RPTOR: variants seen among roughly 807,000 people sequenced by gnomAD.
RPTOR encodes regulatory-associated protein of mTOR.
Under a neutral mutation model 169.9 loss-of-function variants are expected in RPTOR, and 21 were observed. The observed-to-expected ratio is 0.12, with a 90% CI of 0.09 to 0.18. The LOEUF is 0.18. Among genes scored for constraint, RPTOR ranks in the 10% least tolerant of loss-of-function variants. RPTOR has a pLI of 1.00. For synonymous variants in RPTOR, 732 were observed against 753.2 expected, an observed-to-expected ratio of 0.97 and a Z score of 0.46; for missense variants, 1,133 against 1,855.9, an observed-to-expected ratio of 0.61 and a Z score of 7.16.
intron 3 of RPTOR, among the ~76,000 whole-genome samples, chr17:80,679,241 C>T (rs1440162622): frequency 6.6e-6 from 1 of 152,182 alleles, no homozygotes; most frequent in Non-Finnish European, 1.5e-5. Context: ...TGTGCCACTG[C>T]ACTCCAGCCT....
At chr17:80,603,177 A>G (rs926010305) in intron 1 of RPTOR, among the ~76,000 whole-genome samples, 2 of 152,216 alleles carry the variant, frequency 1.3e-5, no homozygotes, top group East Asian at 1.9e-4. Flanking sequence ...TACCCAGACA[A>G]TGTAACCTGT....
At chr17:80,892,922 T>C in intron 19 of RPTOR, 53 bp downstream of exon 19, 1 of 1,587,118 alleles carries the variant, frequency 6.3e-7, no homozygotes, top group African/African-American at 1.3e-5. Flanking sequence ...GGTTGTTTTT[T>C]CTGAAACACT....
chr17:80,962,618 C>T (rs2069359073), intron 32 of RPTOR, 41 bp downstream of exon 32: 1 of 1,544,150 alleles, frequency 6.5e-7, no homozygotes, highest in East Asian at 2.3e-5. Context: ...CGCTCACCCG[C>T]CTCGGGCCTC....
intron 25 of RPTOR, among the ~76,000 whole-genome samples, chr17:80,943,515 C>T (rs1598415176): frequency 6.6e-6 from 1 of 152,202 alleles, no homozygotes; most frequent in Non-Finnish European, 1.5e-5. Flanking sequence ...AGGTTCTACC[C>T]CAGATCGGGA....
intron 4 of RPTOR, among the ~76,000 whole-genome samples, chr17:80,712,463 C>A (rs117902671): frequency 2.0e-5 from 3 of 152,138 alleles, no homozygotes; most frequent in Admixed American, 6.5e-5. Flanking sequence ...CAGTAATATA[C>A]GCTTAAGACT....
chr17:80,730,832 GGGCA>G lies in RPTOR; in HGVS notation c.654+129_654+132del. On this transcript the variant is annotated intron_variant, in intron 5 of 33. Transcript: ENST00000306801. This position sits in a 1 kb window ranked among gnomAD's most constrained non-coding sequence, Gnocchi z 4.2. ...AATGGAGCAGGGCTCAGAATGCCAA[GGGCA>G]GGATGGCATATTCAATGCTGTTGAG... 1 of 951,776 alleles carries G rather than the reference GGGCA, an allele frequency of 1.1e-6. No individual in the cohort carries two copies. The highest frequency in any genetic ancestry group is 1.6e-6 in the Non-Finnish European group (1 of 625,026). The allele number at this position is 951,776 out of a possible 1,614,324, so 59.0% of individuals were successfully genotyped here.
intron 9 of RPTOR, among the ~76,000 whole-genome samples, chr17:80,833,162 T>C (rs2067525795): frequency 6.6e-6 from 1 of 152,242 alleles, no homozygotes; most frequent in Non-Finnish European, 1.5e-5. Flanking sequence ...GACTTGGACT[T>C]GGACGGTTTT....
At chr17:80,956,745 C>A (rs1171316663) in intron 28 of RPTOR, among the ~76,000 whole-genome samples, 1 of 152,168 alleles carries the variant, frequency 6.6e-6, no homozygotes, top group Non-Finnish European at 1.5e-5. Context: ...ACGGTGGGCA[C>A]CTAACAGACG....
At chr17:80,841,188 ACTCACCGCACGGCAGCTCACT>A (rs1567942966) in intron 10 of RPTOR, among the ~76,000 whole-genome samples, 6 of 19,338 alleles carry the variant, frequency 3.1e-4, no homozygotes, top group Non-Finnish European at 4.1e-4. Context: ...GGCAGCTCAC[ACTCACCGCACGGCAGCTCACT>A]CTCACCGCAC....
chr17:80,621,581 C>T (rs970281278), intron 1 of RPTOR, among the ~76,000 whole-genome samples: 14 of 152,174 alleles, frequency 9.2e-5, no homozygotes, highest in Admixed American at 5.2e-4. Flanking sequence ...CCCACTTGCT[C>T]GCTCCCTGGA....
At chr17:80,951,445 C>T (rs540251518) in intron 28 of RPTOR, among the ~76,000 whole-genome samples, 19 of 152,278 alleles carry the variant, frequency 1.2e-4, no homozygotes, top group African/African-American at 4.3e-4. Context: ...GGTCAGAGAA[C>T]GAGGCTCTCA....
At chr17:80,794,884 C>A (rs2067085559) in intron 7 of RPTOR, among the ~76,000 whole-genome samples, 1 of 152,114 alleles carries the variant, frequency 6.6e-6, no homozygotes, top group Non-Finnish European at 1.5e-5. Flanking sequence ...AACAGATCAG[C>A]TGTTGCCAGG....
intron 5 of RPTOR, among the ~76,000 whole-genome samples, chr17:80,744,475 T>C (rs200343431): frequency 0.023 from 437 of 19,024 alleles, 9 homozygotes; most frequent in East Asian, 0.072. Context: ...ACAGCCCTGG[T>C]TACTAGCACA....
intron 3 of RPTOR, among the ~76,000 whole-genome samples, chr17:80,702,356 A>G (rs2066108369): frequency 6.6e-6 from 1 of 152,154 alleles, no homozygotes; most frequent in African/African-American, 2.4e-5. Context: ...CATTTCAGGA[A>G]AAATGCCTAG....
chr17:80,729,338 A>G (rs1378139307), intron 4 of RPTOR, among the ~76,000 whole-genome samples: 2 of 152,260 alleles, frequency 1.3e-5, no homozygotes, highest in African/African-American at 4.8e-5. Flanking sequence ...GATTTCTGCC[A>G]CAGCTTCACT....
chr17:80,602,836 G>C, intron 1 of RPTOR: 1 of 603,140 alleles, frequency 1.7e-6, no homozygotes, highest in Non-Finnish European at 3.1e-6. Context: ...TGGACGCGCT[G>C]GTGAATGTTG....
At chr17:80,612,257 G>A (rs1445815992) in intron 1 of RPTOR, among the ~76,000 whole-genome samples, 3 of 152,032 alleles carry the variant, frequency 2.0e-5, no homozygotes, top group South Asian at 2.1e-4. Context: ...ACCCTCCCAC[G>A]TAGCTGGGAC....
chr17:80,806,204 C>G (rs138534175), intron 7 of RPTOR, among the ~76,000 whole-genome samples: 3 of 152,286 alleles, frequency 2.0e-5, no homozygotes, highest in African/African-American at 7.2e-5. Context: ...CACTCCAAAC[C>G]ATTTCGGTAA....
intron 19 of RPTOR, among the ~76,000 whole-genome samples, chr17:80,893,417 G>GGT (rs140589240): frequency 1.5e-5 from 2 of 137,466 alleles, no homozygotes; most frequent in Non-Finnish European, 3.1e-5. Flanking sequence ...TGTGTACAAG[G>GGT]GTGTGTGTGT....
Sources: gnomAD v4.1 joint callset for allele counts (sites outside exome capture counted in the v4.1 genomes callset) on GRCh38, gnomAD v4.1.1 for gene constraint, Gnocchi (gnomAD v3.1) non-coding constraint, MANE v1.5 for transcripts, NCBI Gene and HGNC (gene_info 2026-07-23, HGNC 2026-07-21) for gene names.